The following CYP7B1 variants were observed in gnomAD, a reference collection of about 807,000 sequenced individuals.
CYP7B1 encodes the protein cytochrome P450 family 7 subfamily B member 1.
In CYP7B1, 29 loss-of-function variants were observed where a neutral mutation model predicts 42.7. That is an observed-to-expected ratio of 0.68 (90% CI 0.51 to 0.93). CYP7B1 has a LOEUF of 0.93. Ranked by LOEUF, CYP7B1 falls within the 40% of genes least tolerant of loss-of-function variation. The pLI is 0.00. For synonymous variants in CYP7B1, 235 were observed against 218.2 expected, an observed-to-expected ratio of 1.08 and a Z score of -0.68; for missense variants, 655 against 600.5, an observed-to-expected ratio of 1.09 and a Z score of -0.95.
intron 2 of CYP7B1, among the ~76,000 whole-genome samples, chr8:64,617,576 C>T (rs1805466739): frequency 6.6e-6 from 1 of 152,056 alleles, no homozygotes; most frequent in Non-Finnish European, 1.5e-5. Context: ...TAAATAATGA[C>T]ATTTAATGTC....
intron 1 of CYP7B1, among the ~76,000 whole-genome samples, chr8:64,662,606 T>C (rs1806215784): frequency 6.6e-6 from 1 of 152,214 alleles, no homozygotes; most frequent in Non-Finnish European, 1.5e-5. Context: ...AAAACCCCTA[T>C]TGTCTTGTTG....
chr8:64,782,405 C>A (rs1253420156), intron 1 of CYP7B1, among the ~76,000 whole-genome samples: 1 of 152,108 alleles, frequency 6.6e-6, no homozygotes, highest in Non-Finnish European at 1.5e-5. Context: ...CACATGAGGG[C>A]ACAGTGAACA....
intron 4 of CYP7B1, among the ~76,000 whole-genome samples, chr8:64,608,150 C>G (rs980401628): frequency 6.6e-6 from 1 of 152,122 alleles, no homozygotes; most frequent in South Asian, 2.1e-4. Context: ...AAGTGAAATG[C>G]CAGGGAATGT....
intron 4 of CYP7B1, among the ~76,000 whole-genome samples, chr8:64,614,735 C>T (rs1325397996): frequency 6.6e-6 from 1 of 152,194 alleles, no homozygotes; most frequent in Admixed American, 6.5e-5. Flanking sequence ...AGCACATCAA[C>T]AGATGCTCAG....
chr8:64,797,330 T>C (rs1804720135), intron 1 of CYP7B1, among the ~76,000 whole-genome samples: 1 of 152,124 alleles, frequency 6.6e-6, no homozygotes, highest in East Asian at 1.9e-4. Context: ...TAGGGGTGCA[T>C]CTTAACTGGC....
chr8:64,785,497 T>A (rs1489100720), intron 1 of CYP7B1, among the ~76,000 whole-genome samples: 2 of 152,198 alleles, frequency 1.3e-5, no homozygotes, highest in African/African-American at 2.4e-5. Flanking sequence ...CTGTGGTACA[T>A]CTATGTAATT....
At chr8:64,721,420 C>T (rs1295851928) in intron 1 of CYP7B1, among the ~76,000 whole-genome samples, 1 of 152,126 alleles carries the variant, frequency 6.6e-6, no homozygotes, top group Admixed American at 6.6e-5. Context: ...GGTCTTACCA[C>T]ATCTATTCAT....
At chr8:64,717,852 A>C (rs1195367856) in intron 1 of CYP7B1, among the ~76,000 whole-genome samples, 1 of 148,592 alleles carries the variant, frequency 6.7e-6, no homozygotes, top group African/African-American at 2.5e-5. Flanking sequence ...GCCTCCAAAA[A>C]ATAAGTTTTT....
At chr8:64,703,355 A>G (rs1046738212) in intron 1 of CYP7B1, among the ~76,000 whole-genome samples, 2 of 152,032 alleles carry the variant, frequency 1.3e-5, no homozygotes, top group Non-Finnish European at 1.5e-5. Flanking sequence ...AGCACAGCAT[A>G]ACCCCTTACA....
At chr8:64,788,730 T>C (rs1804568424) in intron 1 of CYP7B1, among the ~76,000 whole-genome samples, 1 of 152,226 alleles carries the variant, frequency 6.6e-6, no homozygotes, top group Non-Finnish European at 1.5e-5. Flanking sequence ...ATTACAAGTG[T>C]TTTTGGTCCT....
intron 1 of CYP7B1, among the ~76,000 whole-genome samples, chr8:64,679,793 A>G (rs1261533622): frequency 1.3e-5 from 2 of 152,170 alleles, no homozygotes; most frequent in Non-Finnish European, 1.5e-5. Context: ...GAAGATAAGT[A>G]TCTACTTCTG....
chr8:64,793,690 A>C (rs1382028573), intron 1 of CYP7B1, among the ~76,000 whole-genome samples: 1 of 152,088 alleles, frequency 6.6e-6, no homozygotes, highest in African/African-American at 2.4e-5. Context: ...TGATAATTTA[A>C]AACACTTTAA....
At position 64,615,103 on chromosome 8, in the gene CYP7B1, T is replaced by C. The variant is rs1036508707; in HGVS notation, c.980A>G (p.Gln327Arg). ...AVRDEIDRLL[Q>R]STGQKKGSGF... The stretch of plus-strand genomic sequence containing the variant: ...AGACCCTTTCTTTTGACCTGTTGAC[T>C]GCAGCAAACGGTCAATTTCGTCACG... The change falls in exon 4 of 6, where the codon CAG (glutamine) becomes CGG (arginine). Residue 327 changes from glutamine to arginine, a missense_variant. By Grantham distance (43) the Gln-to-Arg change is conservative. Transcript: ENST00000310193. 1.2e-6 allele frequency: 2 copies of C among 1,613,656 alleles called. No individual in the cohort carries two copies. Among genetic ancestry groups the C allele is most frequent in the African/African-American group, 2.7e-5 (2 of 74,892 alleles).
At chr8:64,736,855 T>A (rs574997071) in intron 1 of CYP7B1, among the ~76,000 whole-genome samples, 1 of 152,284 alleles carries the variant, frequency 6.6e-6, no homozygotes, top group Admixed American at 6.5e-5. Flanking sequence ...TCTAATTCTG[T>A]CTACTGTCTA....
At chr8:64,703,175 C>T (rs542824869) in intron 1 of CYP7B1, among the ~76,000 whole-genome samples, 13 of 151,790 alleles carry the variant, frequency 8.6e-5, no homozygotes, top group Non-Finnish European at 1.8e-4. Flanking sequence ...TTCAACAATA[C>T]GAAATTCTAT....
At chr8:64,687,867 G>A (rs983922373) in intron 1 of CYP7B1, among the ~76,000 whole-genome samples, 5 of 152,254 alleles carry the variant, frequency 3.3e-5, no homozygotes, top group Middle Eastern at 3.4e-3. Context: ...TTACTTATAG[G>A]TCTTTTCTCT....
chr8:64,768,601 C>A (rs930609348), intron 1 of CYP7B1, among the ~76,000 whole-genome samples: 3 of 152,174 alleles, frequency 2.0e-5, no homozygotes, highest in Non-Finnish European at 4.4e-5. Flanking sequence ...TCTCTGTGCA[C>A]ATGAAACTCT....
At chr8:64,794,607 A>G (rs990896582) in intron 1 of CYP7B1, among the ~76,000 whole-genome samples, 1 of 152,148 alleles carries the variant, frequency 6.6e-6, no homozygotes, top group African/African-American at 2.4e-5. Flanking sequence ...CTCTTTTATA[A>G]GGACACTAAT....
chr8:64,712,528 T>C (rs1362398644), intron 1 of CYP7B1, among the ~76,000 whole-genome samples: 2 of 152,166 alleles, frequency 1.3e-5, no homozygotes, highest in African/African-American at 2.4e-5. Flanking sequence ...ATTTTTTTTT[T>C]CATGGTTGTA....
Sources: allele counts gnomAD v4.1 joint callset (sites outside exome capture counted in the v4.1 genomes callset), GRCh38; gene constraint gnomAD v4.1.1; transcripts MANE v1.5; gene names NCBI Gene and HGNC (gene_info 2026-07-23, HGNC 2026-07-21).